The following NLGN1 variants were observed in gnomAD, a reference collection of about 807,000 sequenced individuals.
NLGN1 encodes neuroligin 1.
Under a neutral mutation model 65.5 loss-of-function variants are expected in NLGN1, and 12 were observed. The observed-to-expected ratio is 0.18, with a 90% confidence interval of 0.12 to 0.30. The LOEUF (loss-of-function observed/expected upper bound fraction) is 0.30. Among genes scored for constraint, NLGN1 ranks in the 10% least tolerant of loss-of-function variants. The pLI, the probability that NLGN1 is intolerant of heterozygous loss-of-function variation, is 1.00. For synonymous variants in NLGN1, 350 were observed against 359.5 expected (o/e 0.97, Z 0.30); for missense variants, 750 against 1,007.1 (o/e 0.74, Z 3.46).
chr3:174,230,139 A>C (rs959154853), intron 4 of NLGN1, among the ~76,000 whole-genome samples: 7 of 152,152 alleles, frequency 4.6e-5, no homozygotes, highest in Non-Finnish European at 1.0e-4. Context: ...TACATTGAGC[A>C]CTCACTATAT....
chr3:173,431,194 A>T (rs762624473), intron 1 of NLGN1, among the ~76,000 whole-genome samples: 1 of 152,166 alleles, frequency 6.6e-6, no homozygotes, highest in Non-Finnish European at 1.5e-5. Flanking sequence ...TATCATACTG[A>T]AAGCACTTTC....
chr3:173,698,878 T>C (rs1193107194), intron 3 of NLGN1, among the ~76,000 whole-genome samples: 1 of 152,064 alleles, frequency 6.6e-6, no homozygotes, highest in Admixed American at 6.6e-5. Context: ...TTGTTTGAGA[T>C]GGAGTTTCCC....
intron 3 of NLGN1, among the ~76,000 whole-genome samples, chr3:173,718,627 A>G (rs1027154522): frequency 1.3e-5 from 2 of 152,196 alleles, no homozygotes; most frequent in Non-Finnish European, 2.9e-5. Context: ...TGACTGACTA[A>G]AAAATGCAAC....
At chr3:173,654,089 A>T (rs1287601305) in intron 3 of NLGN1, among the ~76,000 whole-genome samples, 1 of 152,192 alleles carries the variant, frequency 6.6e-6, no homozygotes, top group African/African-American at 2.4e-5. Flanking sequence ...GCCCTACTCA[A>T]ATTTCAGATT....
In NLGN1 at chr3:173,491,727, A is replaced by G. The variant is rs184115974; in HGVS notation, c.-321+56649A>G. On this transcript the variant is annotated intron_variant, in intron 2 of 6. Transcript: ENST00000457714. ...CCATACATTTATGACTTCCATATCT[A>G]TATCTCTAGGATGGTTCTTATTTTC... 1.6e-3 allele frequency among the ~76,000 whole-genome samples: 243 copies of G among 151,794 alleles called. 2 individuals carry two copies. The highest frequency in any genetic ancestry group is 6.8e-3 in the Middle Eastern group (2 of 294).
chr3:173,976,834 A>G (rs1717575035), intron 4 of NLGN1, among the ~76,000 whole-genome samples: 2 of 152,108 alleles, frequency 1.3e-5, no homozygotes, highest in South Asian at 4.1e-4. Flanking sequence ...CCTCTTAATA[A>G]TTTGATATTT....
intron 2 of NLGN1, among the ~76,000 whole-genome samples, chr3:173,592,520 A>G (rs1748702689): frequency 6.6e-6 from 1 of 152,160 alleles, no homozygotes; most frequent in South Asian, 2.1e-4. Context: ...ATGATGAGAA[A>G]TTTCCATTGT....
chr3:174,181,806 CATATGTATGT>C, intron 4 of NLGN1, among the ~76,000 whole-genome samples: 2 of 109,756 alleles, frequency 1.8e-5, no homozygotes, highest in African/African-American at 3.6e-5. Context: ...CACACACACA[CATATGTATGT>C]ACACACAAAA....
intron 4 of NLGN1, among the ~76,000 whole-genome samples, chr3:173,929,095 C>A (rs900084549): frequency 1.3e-5 from 2 of 152,124 alleles, no homozygotes; most frequent in Non-Finnish European, 2.9e-5. Context: ...TTCTATGTAT[C>A]CAATCCAAAG....
chr3:173,539,679 C>CATAT (rs1446580324), intron 2 of NLGN1, among the ~76,000 whole-genome samples: 53 of 79,994 alleles, frequency 6.6e-4, no homozygotes, highest in Middle Eastern at 9.8e-3. Flanking sequence ...ACATATATAA[C>CATAT]ATACATATAT....
chr3:173,431,119 A>G (rs895104055), intron 1 of NLGN1, among the ~76,000 whole-genome samples: 1 of 152,136 alleles, frequency 6.6e-6, no homozygotes, highest in African/African-American at 2.4e-5. Context: ...TTTCATGCTA[A>G]AACTTTCCCT....
At chr3:173,989,848 A>G (rs1720730258) in intron 4 of NLGN1, among the ~76,000 whole-genome samples, 1 of 152,082 alleles carries the variant, frequency 6.6e-6, no homozygotes, top group African/African-American at 2.4e-5. Context: ...GAAGGGAGGG[A>G]AGGGGCCAAA....
chr3:173,789,419 C>T (rs1395317108), intron 3 of NLGN1, among the ~76,000 whole-genome samples: 5 of 152,150 alleles, frequency 3.3e-5, no homozygotes, highest in Non-Finnish European at 5.9e-5. Flanking sequence ...CCACATTACA[C>T]GTGAAAAGCC....
intron 4 of NLGN1, among the ~76,000 whole-genome samples, chr3:174,101,700 C>T (rs1167001701): frequency 3.9e-5 from 6 of 152,132 alleles, no homozygotes; most frequent in African/African-American, 1.2e-4. Context: ...CGCAGGCCCT[C>T]GCACAATAGT....
intron 4 of NLGN1, among the ~76,000 whole-genome samples, chr3:174,261,099 A>G (rs1746805001): frequency 6.6e-6 from 1 of 152,162 alleles, no homozygotes; most frequent in Admixed American, 6.5e-5. Context: ...CTTGTAGTAC[A>G]GTTTGAAGTC....
At chr3:174,175,840 TAG>T (rs1481907640) in intron 4 of NLGN1, among the ~76,000 whole-genome samples, 1 of 151,956 alleles carries the variant, frequency 6.6e-6, no homozygotes, top group African/African-American at 2.4e-5. Context: ...GTCTTTATGC[TAG>T]AGATATCACA....
At chr3:174,199,217 A>G (rs1343468290) in intron 4 of NLGN1, among the ~76,000 whole-genome samples, 3 of 152,130 alleles carry the variant, frequency 2.0e-5, no homozygotes, top group Admixed American at 2.0e-4. Context: ...CGCTGAGAGT[A>G]TGCAATGCTT....
At chr3:173,417,518 T>C (rs1436426398) in intron 1 of NLGN1, among the ~76,000 whole-genome samples, 2 of 151,914 alleles carry the variant, frequency 1.3e-5, no homozygotes, top group Non-Finnish European at 2.9e-5. Context: ...AATTAGCAAT[T>C]CATATTTTGC....
At chr3:173,539,681 T>TAC (rs1553879432) in intron 2 of NLGN1, among the ~76,000 whole-genome samples, 4 of 98,822 alleles carry the variant, frequency 4.0e-5, no homozygotes, top group African/African-American at 1.7e-4. Flanking sequence ...ATATATAACA[T>TAC]ACATATATGT....
Sources: allele counts gnomAD v4.1 joint callset (sites outside exome capture counted in the v4.1 genomes callset), GRCh38; gene constraint gnomAD v4.1.1; transcripts MANE v1.5; gene names NCBI Gene and HGNC (gene_info 2026-07-23, HGNC 2026-07-21).